SAMTOR: variants seen among roughly 807,000 people sequenced by gnomAD.
SAMTOR encodes the protein S-adenosylmethionine sensor upstream of mTORC1.
chr7:112,865,658 T>TTTC, the SAMTOR span, among the ~76,000 whole-genome samples: 36 of 54,772 alleles, frequency 6.6e-4, no homozygotes, highest in Admixed American at 2.5e-3. Context: ...TTCATATATA[T>TTTC]ATTTCATACA....
the SAMTOR span, among the ~76,000 whole-genome samples, chr7:112,867,252 A>T: frequency 6.6e-6 from 1 of 152,224 alleles, no homozygotes; most frequent in African/African-American, 2.4e-5. Flanking sequence ...TAAAACAGTG[A>T]ATTTTCAACC....
the SAMTOR span, among the ~76,000 whole-genome samples, chr7:112,847,549 C>T: frequency 4.6e-5 from 7 of 151,706 alleles, no homozygotes; most frequent in Non-Finnish European, 8.8e-5. Context: ...GAAGCCGAGG[C>T]GGGCGGATCA....
At chr7:112,847,747 C>T in the SAMTOR span, among the ~76,000 whole-genome samples, 1 of 151,460 alleles carries the variant, frequency 6.6e-6, no homozygotes, top group African/African-American at 2.4e-5. Context: ...CACTGCACTC[C>T]AGCTTGGGGA....
At chr7:112,821,891 G>A in the SAMTOR span, 2 of 1,613,410 alleles carry the variant, frequency 1.2e-6, no homozygotes, top group Non-Finnish European at 1.7e-6. Flanking sequence ...ATCGAACATA[G>A]CAGGAAGGGT....
the SAMTOR span, among the ~76,000 whole-genome samples, chr7:112,881,780 T>C: frequency 6.6e-6 from 1 of 152,048 alleles, no homozygotes; most frequent in Non-Finnish European, 1.5e-5. Context: ...ATAAAGCTCT[T>C]CTCCACCTTG....
At chr7:112,884,917 G>C in the SAMTOR span, among the ~76,000 whole-genome samples, 1 of 152,242 alleles carries the variant, frequency 6.6e-6, no homozygotes, top group Non-Finnish European at 1.5e-5. Context: ...CACCCCTGCA[G>C]AAAACTTCTG....
chr7:112,892,677 T>G, the SAMTOR span, among the ~76,000 whole-genome samples: 22 of 151,444 alleles, frequency 1.5e-4, no homozygotes, highest in African/African-American at 5.1e-4. Context: ...GAGGCTGAGG[T>G]GGGAGGGTCA....
the SAMTOR span, among the ~76,000 whole-genome samples, chr7:112,916,491 G>T: frequency 6.6e-6 from 1 of 152,178 alleles, no homozygotes. Flanking sequence ...AACAGCTCCG[G>T]TCTACAGCTC....
chr7:112,895,869 CTG>C, the SAMTOR span: 2,167 of 571,728 alleles, frequency 3.8e-3, 37 homozygotes, highest in African/African-American at 0.037. Flanking sequence ...AAATGTCAAA[CTG>C]AGATAAATTT....
the SAMTOR span, among the ~76,000 whole-genome samples, chr7:112,869,261 G>A: frequency 6.6e-6 from 1 of 152,126 alleles, no homozygotes; most frequent in Non-Finnish European, 1.5e-5. Context: ...TGAGAGAGGT[G>A]CTGTGCAGGC....
the SAMTOR span, among the ~76,000 whole-genome samples, chr7:112,890,370 CACCTCTGAAAAAA>C: frequency 0.011 from 1,615 of 152,038 alleles, 29 homozygotes; most frequent in African/African-American, 0.037. Flanking sequence ...CAACCCCCCC[CACCTCTGAAAAAA>C]ACACTAAACA....
At chr7:112,826,015 A>G in the SAMTOR span, among the ~76,000 whole-genome samples, 1 of 152,148 alleles carries the variant, frequency 6.6e-6, no homozygotes, top group Non-Finnish European at 1.5e-5. Flanking sequence ...CATTCCTGAG[A>G]TAAACCAAAC....
chr7:112,855,936 A>G, the SAMTOR span, among the ~76,000 whole-genome samples: 13 of 152,036 alleles, frequency 8.6e-5, no homozygotes, highest in Admixed American at 8.5e-4. Flanking sequence ...ACTTTCTATT[A>G]GCCACTAATA....
the SAMTOR span, among the ~76,000 whole-genome samples, chr7:112,830,910 A>G: frequency 2.6e-5 from 4 of 152,146 alleles, no homozygotes; most frequent in South Asian, 8.3e-4. Context: ...AAACATTACA[A>G]CAACCTATGA....
the SAMTOR span, among the ~76,000 whole-genome samples, chr7:112,869,652 G>A: frequency 4.0e-5 from 6 of 151,802 alleles, no homozygotes; most frequent in African/African-American, 1.2e-4. Context: ...CAAGAACTTC[G>A]GCAATTATAG....
At chr7:112,821,059 T>C in the SAMTOR span, 5 of 152,510 alleles carry the variant, frequency 3.3e-5, no homozygotes, top group African/African-American at 9.6e-5. Context: ...ATGAAAATAC[T>C]ACTTTGGCAA....
chr7:112,887,025 G>A, the SAMTOR span, among the ~76,000 whole-genome samples: 15 of 152,000 alleles, frequency 9.9e-5, no homozygotes, highest in African/African-American at 2.2e-4. Context: ...AATTAGCTGA[G>A]CATGGTGGCA....
chr7:112,843,891 C>T, the SAMTOR span, among the ~76,000 whole-genome samples: 9 of 152,228 alleles, frequency 5.9e-5, no homozygotes, highest in African/African-American at 1.9e-4. Flanking sequence ...AAAATACTTG[C>T]AAACCAAATC....
chr7:112,842,669 T>C, the SAMTOR span, among the ~76,000 whole-genome samples: 1 of 151,976 alleles, frequency 6.6e-6, no homozygotes, highest in Non-Finnish European at 1.5e-5. Flanking sequence ...TGTGACAACA[T>C]AGTCAACAGT....
Sources: gnomAD v4.1 joint callset for allele counts (sites outside exome capture counted in the v4.1 genomes callset) on GRCh38, gnomAD v4.1.1 for gene constraint, MANE v1.5 for transcripts, NCBI Gene and HGNC (gene_info 2026-07-23, HGNC 2026-07-21) for gene names.